ACVR2A: variants seen among roughly 807,000 people sequenced by gnomAD.
ACVR2A encodes activin receptor type-2A.
In ACVR2A, 7 loss-of-function variants were observed where a neutral mutation model predicts 61.4. That is an observed-to-expected ratio of 0.11 (90% CI 0.06 to 0.21). The LOEUF is 0.21. ACVR2A is among the 10% of genes least tolerant of loss of function. The pLI is 1.00. For missense variants in ACVR2A, 322 were observed against 621.7 expected (o/e 0.52, Z 5.13); for synonymous variants, 193 against 208.3 (o/e 0.93, Z 0.63).
intron 1 of ACVR2A, among the ~76,000 whole-genome samples, chr2:147,894,338 G>A (rs1686671616): frequency 6.6e-6 from 1 of 151,922 alleles, no homozygotes; most frequent in African/African-American, 2.4e-5. Context: ...GAATTATTTT[G>A]GGTATTCCAG....
At position 147,928,292 on chromosome 2, in the gene ACVR2A, A is replaced by T. The variant is rs1190844327; in HGVS notation, c.*1018A>T. On this transcript the variant is annotated 3_prime_UTR_variant, in exon 11 of 11. Coordinates refer to ENST00000241416, the MANE Select transcript of ACVR2A (RefSeq NM_001616.5). ...TTTTAAAATAGAGTTTTTTCTATTTATATATGTAAAATTGTAGTGTATTTC... is the reference window on the plus strand; with the variant it reads ...TTTTAAAATAGAGTTTTTTCTATTTTTATATGTAAAATTGTAGTGTATTTC... The T allele has an allele frequency of 6.6e-6, 1 of 152,274 alleles. No individual in the cohort carries two copies. The highest frequency in any genetic ancestry group is 1.5e-5 in the Non-Finnish European group (1 of 67,930). 9.4% of individuals were successfully genotyped at this position (152,274 alleles called of 1,614,324 possible). A position where few individuals can be genotyped will look rare whatever the true frequency, so the allele number is the denominator to read the frequency against.
intron 5 of ACVR2A, among the ~76,000 whole-genome samples, chr2:147,916,652 A>G (rs1687255663): frequency 6.6e-6 from 1 of 151,908 alleles, no homozygotes. Flanking sequence ...ATTATGCCAT[A>G]GTGCCTCTTA....
intron 1 of ACVR2A, among the ~76,000 whole-genome samples, chr2:147,849,823 G>A (rs1054490546): frequency 1.3e-5 from 2 of 152,132 alleles, no homozygotes; most frequent in African/African-American, 4.8e-5. Flanking sequence ...CGCCTTTTGG[G>A]TCCACCAGAC....
intron 1 of ACVR2A, among the ~76,000 whole-genome samples, chr2:147,872,300 A>C (rs1428477263): frequency 1.3e-5 from 2 of 151,990 alleles, no homozygotes; most frequent in Non-Finnish European, 2.9e-5. Context: ...TGGAAAGTTA[A>C]TATCATGGAC....
chr2:147,927,068 T>C lies in ACVR2A; in HGVS notation c.1348-12T>C, dbSNP rs1365222333. ...TGCTGTGGCGTTTGAGTATATGTTT[T>C]TCTCCTTTTAGGGAATGGCAATGCT... On this transcript the variant is annotated splice_polypyrimidine_tract_variant and intron_variant, in intron 10 of 10. Coordinates refer to ENST00000241416, the MANE Select transcript of ACVR2A (RefSeq NM_001616.5). 1.4e-5 allele frequency: 22 copies of C among 1,608,162 alleles called. No individual in the cohort carries two copies. Among genetic ancestry groups the C allele is most frequent in the Non-Finnish European group, 1.8e-5 (21 of 1,177,518 alleles).
chr2:147,878,233 A>G (rs1257643921), intron 1 of ACVR2A, among the ~76,000 whole-genome samples: 2 of 152,154 alleles, frequency 1.3e-5, no homozygotes, highest in Non-Finnish European at 2.9e-5. Flanking sequence ...AATGTTTTTA[A>G]TTGTAAACGT....
intron 8 of ACVR2A, among the ~76,000 whole-genome samples, chr2:147,922,245 T>G (rs551593430): frequency 6.6e-6 from 1 of 152,254 alleles, no homozygotes; most frequent in Admixed American, 6.5e-5. Flanking sequence ...TTGCATAAAT[T>G]GCCCAACTTT....
intron 1 of ACVR2A, among the ~76,000 whole-genome samples, chr2:147,874,498 A>G (rs541032553): frequency 1.6e-4 from 24 of 152,040 alleles, no homozygotes; most frequent in African/African-American, 5.8e-4. Flanking sequence ...GCTTGGTGAA[A>G]TCTCTTGATT....
intron 1 of ACVR2A, among the ~76,000 whole-genome samples, chr2:147,853,672 G>T (rs1470128875): frequency 1.3e-5 from 2 of 152,068 alleles, no homozygotes; most frequent in African/African-American, 4.8e-5. Context: ...GGGAGGGGTT[G>T]CCTTTCAAAA....
chr2:147,922,904 C>T, intron 8 of ACVR2A, 69 bp from the exon 9 acceptor site: 2 of 1,532,074 alleles, frequency 1.3e-6, no homozygotes, highest in Non-Finnish European at 8.9e-7. Flanking sequence ...TTTGATTCAT[C>T]TTACAAAATC....
chr2:147,862,628 C>T (rs1685755798), intron 1 of ACVR2A, among the ~76,000 whole-genome samples: 1 of 151,880 alleles, frequency 6.6e-6, no homozygotes, highest in African/African-American at 2.4e-5. Context: ...CCTGTAATCT[C>T]AGCTACTGGG....
intron 4 of ACVR2A, among the ~76,000 whole-genome samples, chr2:147,905,354 A>T (rs1558809531): frequency 6.6e-6 from 1 of 152,012 alleles, no homozygotes; most frequent in Non-Finnish European, 1.5e-5. Flanking sequence ...GTTTTATTGT[A>T]TGCTTATGAA....
chr2:147,923,188 G>T, intron 9 of ACVR2A, 77 bp downstream of exon 9: 1 of 1,457,432 alleles, frequency 6.9e-7, no homozygotes, highest in South Asian at 1.4e-5. Flanking sequence ...ACACTCCAAG[G>T]TAATATTTTA....
At chr2:147,848,003 G>T (rs1685355885) in intron 1 of ACVR2A, among the ~76,000 whole-genome samples, 1 of 152,166 alleles carries the variant, frequency 6.6e-6, no homozygotes, top group Admixed American at 6.5e-5. Flanking sequence ...GAGCAGTATG[G>T]TCAATGTATT....
intron 4 of ACVR2A, 134 bp downstream of exon 4, chr2:147,900,032 A>T: frequency 3.0e-6 from 3 of 987,232 alleles, no homozygotes; most frequent in Non-Finnish European, 4.4e-6. Context: ...TGTCATGAGA[A>T]CTCTAGCTAA....
intron 4 of ACVR2A, among the ~76,000 whole-genome samples, chr2:147,910,013 CTTGT>C (rs571313501): frequency 8.5e-5 from 13 of 152,114 alleles, no homozygotes; most frequent in Non-Finnish European, 1.9e-4. Context: ...GCTGGTGTCT[CTTGT>C]TTGTTTATTC....
chr2:147,872,244 T>C (rs555215171), intron 1 of ACVR2A, among the ~76,000 whole-genome samples: 49 of 152,122 alleles, frequency 3.2e-4, no homozygotes, highest in Admixed American at 1.6e-3. Context: ...TAAAGCCCAA[T>C]TAAAAGTAAG....
chr2:147,915,477 C>T (rs1368536890), intron 5 of ACVR2A, 143 bp downstream of exon 5: 9 of 828,424 alleles, frequency 1.1e-5, no homozygotes, highest in Non-Finnish European at 1.7e-5. Context: ...CTTTTAATGC[C>T]TGCCTTTGCA....
Position 147,930,630 on chromosome 2 carries a change from T to C in ACVR2A, c.*3356T>C, listed in dbSNP as rs2105232399. On this transcript the variant is annotated 3_prime_UTR_variant, in exon 11 of 11. Coordinates refer to ENST00000241416, the MANE Select transcript of ACVR2A (RefSeq NM_001616.5). ...AAGCAGTTATTTTCGCTTTACTCTG[T>C]ATTTCTTGTGTTTTGGGCACAGGTT... 1 of 152,554 alleles carries C rather than the reference T, an allele frequency of 6.6e-6. No individual in the cohort carries two copies. 9.5% of individuals were successfully genotyped at this position (152,554 alleles called of 1,614,324 possible).
Sources: gnomAD v4.1 joint callset for allele counts (sites outside exome capture counted in the v4.1 genomes callset) on GRCh38, gnomAD v4.1.1 for gene constraint, MANE v1.5 for transcripts, NCBI Gene and HGNC (gene_info 2026-07-23, HGNC 2026-07-21) for gene names.